SPINK5: variants seen among roughly 807,000 people sequenced by gnomAD.
SPINK5 encodes the protein serine peptidase inhibitor Kazal type 5, also known as serine protease inhibitor Kazal-type 5.
A neutral mutation model predicts 151.8 loss-of-function variants in SPINK5; 125 were observed. The observed-to-expected ratio is 0.82, with a 90% CI of 0.71 to 0.96. The LOEUF (loss-of-function observed/expected upper bound fraction) is 0.96. Ranked by LOEUF, SPINK5 falls within the 40% of genes least tolerant of loss-of-function variation. The pLI, the probability that SPINK5 is intolerant of heterozygous loss-of-function variation, is 0.00. For synonymous variants in SPINK5, 374 were observed against 395.3 expected, an observed-to-expected ratio of 0.95 and a Z score of 0.64; for missense variants, 1,194 against 1,291.9, an observed-to-expected ratio of 0.92 and a Z score of 1.16.
chr5:148,119,449 C>A (rs11168026), intron 24 of SPINK5, among the ~76,000 whole-genome samples: 82,434 of 152,036 alleles, frequency 0.54, 23,504 homozygotes, highest in Admixed American at 0.64. Flanking sequence ...AAATAACACA[C>A]ATTTATTATC....
At chr5:148,073,862 A>T (rs1464582185) in intron 4 of SPINK5, among the ~76,000 whole-genome samples, 11 of 139,174 alleles carry the variant, frequency 7.9e-5, no homozygotes, top group Non-Finnish European at 1.3e-4. Context: ...ACACACACAC[A>T]AAACTGTAAA....
chr5:148,126,037 T>C (rs1428966203), intron 29 of SPINK5, among the ~76,000 whole-genome samples, 187 bp downstream of exon 29: 1 of 152,156 alleles, frequency 6.6e-6, no homozygotes, highest in Non-Finnish European at 1.5e-5. Flanking sequence ...AGACAAAAAT[T>C]CCGTATGTAA....
Position 148,088,560 on chromosome 5 carries a change from T to C in SPINK5, c.429T>C (p.Ile143=), listed in dbSNP as rs1753221854. ...CAENAKTGSQ[I]GVKSEGECKS... is the part of the protein sequence containing the mutation. ...ATTCTAGGAAAACCGGGTCCCAAAT[T>C]GGTGTAAAAAGTGAAGGGGAATGTA... Residue 143 remains isoleucine, a synonymous_variant, in exon 6 of 33, where the codon ATT becomes ATC. Coordinates refer to ENST00000256084, the MANE Select transcript of SPINK5 (RefSeq NM_006846.4). 6.2e-7 allele frequency: 1 copy of C among 1,611,514 alleles called. No individual in the cohort carries two copies.
chr5:148,098,094 AG>A, intron 11 of SPINK5, 100 bp downstream of exon 11: 1 of 1,138,910 alleles, frequency 8.8e-7, no homozygotes, highest in South Asian at 1.3e-5. Flanking sequence ...GGCTCAAGAC[AG>A]GGAAGTGAGT....
At chr5:148,070,260 T>A in intron 2 of SPINK5, 63 bp from the exon 3 acceptor site, 1 of 1,569,914 alleles carries the variant, frequency 6.4e-7, no homozygotes, top group South Asian at 1.1e-5. Flanking sequence ...TACATATATA[T>A]ATCAAAATAA....
intron 28 of SPINK5, chr5:148,125,414 T>C (rs186044569): frequency 2.7e-5 from 27 of 982,114 alleles, no homozygotes; most frequent in Non-Finnish European, 4.0e-5. Flanking sequence ...ATTGTCCTTT[T>C]GTCAAAAGCA....
At chr5:148,111,579 TA>T in intron 18 of SPINK5, among the ~76,000 whole-genome samples, 188 bp from the exon 19 acceptor site, 1 of 152,320 alleles carries the variant, frequency 6.6e-6, no homozygotes, top group Middle Eastern at 3.4e-3. Context: ...TCTAATGAGA[TA>T]AATAACAGCA....
intron 18 of SPINK5, 64 bp downstream of exon 18, chr5:148,108,901 C>T: frequency 3.1e-6 from 5 of 1,599,470 alleles, no homozygotes; most frequent in Non-Finnish European, 4.3e-6. Context: ...AGGGAGGGCT[C>T]CTATTCCCTC....
chr5:148,097,716 A>G, intron 10 of SPINK5, 151 bp from the exon 11 acceptor site: 2 of 666,376 alleles, frequency 3.0e-6, no homozygotes, highest in Non-Finnish European at 4.8e-6. Context: ...GGATATTACA[A>G]GGAGAGAAAT....
In SPINK5 at chr5:148,112,162, A is replaced by G. The variant is rs1581093420; in HGVS notation, c.1820+267A>G. Among the ~76,000 whole-genome samples, 3 of 152,204 alleles carry G rather than the reference A, an allele frequency of 2.0e-5. No homozygotes were observed. The South Asian group carries it at 6.2e-4, about 32-fold the overall frequency. ...ACACTGGAGTTAATGGCATAAAAGG[A>G]TTAGGACTTCTGTTCTCTGCAAGCA... On this transcript the variant is annotated intron_variant, in intron 19 of 32. Coordinates refer to ENST00000256084, the MANE Select transcript of SPINK5 (RefSeq NM_006846.4).
chr5:148,135,496 C>T (rs757327790), intron 32 of SPINK5, among the ~76,000 whole-genome samples: 8 of 152,154 alleles, frequency 5.3e-5, no homozygotes, highest in African/African-American at 1.2e-4. Context: ...AAAAGAGTGC[C>T]GTTCTTCCAT....
At chr5:148,093,171 C>T (rs1753358998) in intron 8 of SPINK5, among the ~76,000 whole-genome samples, 1 of 151,918 alleles carries the variant, frequency 6.6e-6, no homozygotes, top group Non-Finnish European at 1.5e-5. Flanking sequence ...AGTACTATAT[C>T]TCACCACAAA....
At chr5:148,128,773 T>G (rs2113226776) in intron 30 of SPINK5, among the ~76,000 whole-genome samples, 1 of 152,258 alleles carries the variant, frequency 6.6e-6, no homozygotes, top group African/African-American at 2.4e-5. Context: ...TCCGCCCGCC[T>G]CGGCCTCCCA....
intron 26 of SPINK5, among the ~76,000 whole-genome samples, chr5:148,121,153 A>AAAT (rs1754252626): frequency 6.6e-6 from 1 of 150,556 alleles, no homozygotes; most frequent in Non-Finnish European, 1.5e-5. Flanking sequence ...CAAAAAAAAA[A>AAAT]AAAAAAAAAA....
intron 2 of SPINK5, among the ~76,000 whole-genome samples, chr5:148,067,573 GA>G (rs1398947478): frequency 6.6e-6 from 1 of 152,080 alleles, no homozygotes; most frequent in Admixed American, 6.6e-5. Context: ...TTTCCCAAGA[GA>G]ATACATTGGA....
At chr5:148,097,793 T>A in intron 10 of SPINK5, 74 bp from the exon 11 acceptor site, 1 of 1,117,976 alleles carries the variant, frequency 8.9e-7, no homozygotes, top group Admixed American at 2.4e-5. Context: ...CTCTTTTTTC[T>A]TTGTAAAATA....
intron 26 of SPINK5, 26 bp from the exon 27 acceptor site, chr5:148,123,807 A>C (rs762476351): frequency 1.2e-6 from 2 of 1,613,794 alleles, no homozygotes; most frequent in South Asian, 2.2e-5. Context: ...CATGACAGTA[A>C]CAACTTTTTC....
chr5:148,119,313 G>A (rs533158332), intron 24 of SPINK5, among the ~76,000 whole-genome samples: 4 of 152,196 alleles, frequency 2.6e-5, no homozygotes, highest in African/African-American at 9.6e-5. Context: ...TCAACAGCCT[G>A]GTCAAATTTG....
intron 18 of SPINK5, among the ~76,000 whole-genome samples, chr5:148,111,257 ACT>A: frequency 6.7e-6 from 1 of 150,352 alleles, no homozygotes; most frequent in Admixed American, 6.6e-5. Flanking sequence ...TCTCCCTCTC[ACT>A]CTGTCTTCCA....
Sources: allele counts gnomAD v4.1 joint callset (sites outside exome capture counted in the v4.1 genomes callset), GRCh38; gene constraint gnomAD v4.1.1; transcripts MANE v1.5; gene names NCBI Gene and HGNC (gene_info 2026-07-23, HGNC 2026-07-21).